The following ZNF391 variants were observed in gnomAD, a reference collection of about 807,000 sequenced individuals.
The protein encoded by ZNF391 is zinc finger protein 391.
For missense variants in ZNF391, 375 were observed against 425.5 expected (o/e 0.88, Z 1.04); for synonymous variants, 126 against 142.1 (o/e 0.89, Z 0.80).
chr6:27,395,252 G>C (rs544245473), intron 1 of ZNF391, among the ~76,000 whole-genome samples: 2 of 152,274 alleles, frequency 1.3e-5, no homozygotes, highest in South Asian at 4.2e-4. Flanking sequence ...AATGTTGGAG[G>C]TGAAGCCTGA....
exon 1 of ZNF391, chr6:27,375,103 G>C (rs1405468376): frequency 6.6e-6 from 1 of 152,356 alleles, no homozygotes; most frequent in Non-Finnish European, 1.5e-5. Context: ...GAAGCTTCAG[G>C]CTCCTCCACA....
At chr6:27,380,791 T>G (rs74675263) in intron 1 of ZNF391, among the ~76,000 whole-genome samples, 1 of 100,476 alleles carries the variant, frequency 1.0e-5, no homozygotes, top group Non-Finnish European at 2.2e-5. Context: ...TACAGAGGGT[T>G]GACACAAAGG....
At chr6:27,388,649 G>A (rs1761623053), upstream of ZNF391, 2 of 315,804 alleles carry the variant, frequency 6.3e-6, no homozygotes. Flanking sequence ...TACCAGGGGA[G>A]GGGCTTTGCA....
chr6:27,398,531 T>G (rs924866740), intron 1 of ZNF391, among the ~76,000 whole-genome samples: 2 of 152,144 alleles, frequency 1.3e-5, no homozygotes, highest in Non-Finnish European at 2.9e-5. Context: ...CACTACTTGG[T>G]GCCAGGCAAT....
At chr6:27,399,165 G>T (rs1761895530) in intron 1 of ZNF391, among the ~76,000 whole-genome samples, 1 of 152,166 alleles carries the variant, frequency 6.6e-6, no homozygotes, top group Non-Finnish European at 1.5e-5. Flanking sequence ...GACTTGCTGG[G>T]TCCAAAGCAA....
upstream of ZNF391, among the ~76,000 whole-genome samples, chr6:27,387,179 T>A (rs6935118): frequency 0.7 from 107,006 of 151,930 alleles, 37,933 homozygotes; most frequent in Middle Eastern, 0.8. Context: ...GTTATAATAC[T>A]ACAACTACAA....
intron 1 of ZNF391, among the ~76,000 whole-genome samples, chr6:27,390,314 G>C (rs1199860699): frequency 1.3e-5 from 2 of 152,198 alleles, no homozygotes; most frequent in Non-Finnish European, 2.9e-5. Flanking sequence ...AAAAGTTTGA[G>C]TCACATAAAG....
intron 1 of ZNF391, among the ~76,000 whole-genome samples, chr6:27,382,027 T>C (rs1581525012): frequency 2.8e-5 from 2 of 70,416 alleles, no homozygotes; most frequent in African/African-American, 6.4e-5. Flanking sequence ...AGAGCAAGAC[T>C]CCATCTCAAA....
intron 1 of ZNF391, among the ~76,000 whole-genome samples, chr6:27,397,492 T>A (rs1488420319): frequency 6.6e-6 from 1 of 152,082 alleles, no homozygotes; most frequent in Non-Finnish European, 1.5e-5. Flanking sequence ...CAGCATGAGA[T>A]TTGGAGGGAA....
At chr6:27,382,293 G>A (rs893463856) in intron 1 of ZNF391, among the ~76,000 whole-genome samples, 1 of 151,894 alleles carries the variant, frequency 6.6e-6, no homozygotes, top group African/African-American at 2.4e-5. Flanking sequence ...GGCGGAGGTT[G>A]CAGTGAGCTG....
chr6:27,374,692 G>C lies in ZNF391; in HGVS notation n.78G>C, dbSNP rs1761385763. The C allele has an allele frequency of 6.6e-6, 1 of 152,108 alleles. No individual in the cohort carries two copies. The highest frequency in any genetic ancestry group is 2.4e-5 in the African/African-American group (1 of 41,420). The allele number at this position is 152,108 out of a possible 1,614,324, so 9.4% of individuals were successfully genotyped here. A position where few individuals can be genotyped will look rare whatever the true frequency, so the allele number is the denominator to read the frequency against. On this transcript the variant is annotated non_coding_transcript_exon_variant, in exon 1 of 3. Transcript: ENST00000477999. This position sits in a 1 kb window ranked among gnomAD's most constrained non-coding sequence, Gnocchi z 5.3. Reference sequence around the variant, plus strand: ...GCTTCTCCAGTTTGTGGCTCTCGGAGAGTTCGCCTCGTCCCTCCCTCTCAG... The same window carrying C: ...GCTTCTCCAGTTTGTGGCTCTCGGACAGTTCGCCTCGTCCCTCCCTCTCAG...
chr6:27,402,301 A>G lies in ZNF391; in HGVS notation c.*854A>G, dbSNP rs1561816151. The G allele has an allele frequency of 6.6e-6, 1 of 152,052 alleles. No individual in the cohort carries two copies. The highest frequency in any genetic ancestry group is 1.9e-4 in the East Asian group (1 of 5,176). 9.4% of individuals were successfully genotyped at this position (152,052 alleles called of 1,614,324 possible). A position where few individuals can be genotyped will look rare whatever the true frequency, so the allele number is the denominator to read the frequency against. On this transcript the variant is annotated 3_prime_UTR_variant, in exon 3 of 3. Transcript: ENST00000244576. ...TATTCTGTGGCTTTGACCCTCACCAATCTTGGAAGATTGATCTCTCAAGGA... is the reference window on the plus strand; with the variant it reads ...TATTCTGTGGCTTTGACCCTCACCAGTCTTGGAAGATTGATCTCTCAAGGA...
chr6:27,394,045 A>C (rs1400364995), intron 1 of ZNF391, among the ~76,000 whole-genome samples: 7 of 152,254 alleles, frequency 4.6e-5, no homozygotes, highest in African/African-American at 1.7e-4. Context: ...GAAGCAGAGC[A>C]TAAAAGTTTG....
chr6:27,377,406 C>A (rs556380077), intron 1 of ZNF391, among the ~76,000 whole-genome samples: 6 of 152,302 alleles, frequency 3.9e-5, no homozygotes, highest in African/African-American at 1.4e-4. Flanking sequence ...AAAACTCAAG[C>A]TGGAAACTGC....
At chr6:27,394,419 T>G (rs1761779842) in intron 1 of ZNF391, among the ~76,000 whole-genome samples, 1 of 152,250 alleles carries the variant, frequency 6.6e-6, no homozygotes, top group African/African-American at 2.4e-5. Context: ...CCTTGGTGGC[T>G]TCCATGTGGT....
chr6:27,389,534 G>C, intron 1 of ZNF391: 1 of 428,116 alleles, frequency 2.3e-6, no homozygotes, highest in Non-Finnish European at 4.6e-6. Flanking sequence ...TTGCTTGGCC[G>C]GGCGCAGTGG....
intron 1 of ZNF391, among the ~76,000 whole-genome samples, chr6:27,396,070 TTTTAG>T (rs1275078232): frequency 2.0e-5 from 3 of 152,190 alleles, no homozygotes; most frequent in Non-Finnish European, 4.4e-5. Context: ...ATTGTCAATA[TTTTAG>T]TTCCACTGCA....
chr6:27,397,446 C>CT, intron 1 of ZNF391, among the ~76,000 whole-genome samples: 1 of 152,106 alleles, frequency 6.6e-6, no homozygotes, highest in Non-Finnish European at 1.5e-5. Flanking sequence ...ACATTTTTTT[C>CT]TTTTTTTCAG....
At chr6:27,380,176 T>C (rs1761475831) in intron 1 of ZNF391, among the ~76,000 whole-genome samples, 1 of 152,232 alleles carries the variant, frequency 6.6e-6, no homozygotes, top group Non-Finnish European at 1.5e-5. Flanking sequence ...ATAGTCCTAG[T>C]GTGTCTGGAA....
Sources: gnomAD v4.1 joint callset for allele counts (sites outside exome capture counted in the v4.1 genomes callset) on GRCh38, gnomAD v4.1.1 for gene constraint, Gnocchi (gnomAD v3.1) non-coding constraint, MANE v1.5 for transcripts, NCBI Gene and HGNC (gene_info 2026-07-23, HGNC 2026-07-21) for gene names.